The following MSRA variants were observed in gnomAD, a reference collection of about 807,000 sequenced individuals.
MSRA encodes methionine sulfoxide reductase A, also known as mitochondrial peptide methionine sulfoxide reductase.
MSRA carries 54 observed loss-of-function variants against 31.3 expected under a neutral mutation model. The observed-to-expected ratio is 1.73, with a 90% CI of 1.39 to 2.17. MSRA has a LOEUF of 2.17. Ranked by LOEUF, MSRA falls within the 30% of genes most tolerant of loss-of-function variation. MSRA has a pLI of 0.00. For synonymous variants in MSRA, 169 were observed against 116.5 expected, an observed-to-expected ratio of 1.45 and a Z score of -2.90; for missense variants, 507 against 300.9, an observed-to-expected ratio of 1.69 and a Z score of -5.07.
chr8:10,197,373 G>A (rs952518599), intron 1 of MSRA, among the ~76,000 whole-genome samples: 6 of 152,172 alleles, frequency 3.9e-5, no homozygotes, highest in Non-Finnish European at 8.8e-5. Flanking sequence ...TGCTTGTGTT[G>A]GGAACTCAGG....
intron 1 of MSRA, among the ~76,000 whole-genome samples, chr8:10,126,179 A>G (rs1456248106): frequency 2.6e-5 from 4 of 152,236 alleles, no homozygotes; most frequent in African/African-American, 9.6e-5. Context: ...GCCTGGTGAG[A>G]TGAGTTGTAT....
intron 2 of MSRA, among the ~76,000 whole-genome samples, chr8:10,210,271 G>A (rs1229303590): frequency 6.6e-6 from 1 of 152,212 alleles, no homozygotes; most frequent in Non-Finnish European, 1.5e-5. Flanking sequence ...GGCCAAGGAG[G>A]TGGTTGGTGG....
chr8:10,139,309 T>G (rs1311445464), intron 1 of MSRA, among the ~76,000 whole-genome samples: 1 of 152,238 alleles, frequency 6.6e-6, no homozygotes, highest in Non-Finnish European at 1.5e-5. Flanking sequence ...ATATTCTTAA[T>G]TTTAAATGAT....
chr8:10,361,632 C>T (rs1174440024), intron 5 of MSRA, among the ~76,000 whole-genome samples: 1 of 152,164 alleles, frequency 6.6e-6, no homozygotes, highest in Non-Finnish European at 1.5e-5. Context: ...TTGGAGGCCT[C>T]TTAAGATGCT....
chr8:10,259,616 G>T (rs1401704816), intron 3 of MSRA, among the ~76,000 whole-genome samples: 1 of 151,958 alleles, frequency 6.6e-6, no homozygotes, highest in Non-Finnish European at 1.5e-5. Context: ...CATTTTTCTG[G>T]ACATTTGGGA....
At chr8:10,288,660 G>A (rs1800066357) in intron 3 of MSRA, among the ~76,000 whole-genome samples, 1 of 152,024 alleles carries the variant, frequency 6.6e-6, no homozygotes, top group South Asian at 2.1e-4. Context: ...AAACAAATCT[G>A]AAGTTCTTAG....
intron 2 of MSRA, among the ~76,000 whole-genome samples, chr8:10,230,515 AGAAAATATG>A (rs1429265880): frequency 2.0e-5 from 3 of 152,244 alleles, no homozygotes; most frequent in Non-Finnish European, 4.4e-5. Context: ...TGCTCATTAC[AGAAAATATG>A]GAAAATATAT....
At chr8:10,249,279 C>G (rs1293905191) in intron 3 of MSRA, among the ~76,000 whole-genome samples, 1 of 152,100 alleles carries the variant, frequency 6.6e-6, no homozygotes, top group Non-Finnish European at 1.5e-5. Flanking sequence ...AATAAAATGC[C>G]TCTCTGAGAT....
intron 3 of MSRA, among the ~76,000 whole-genome samples, chr8:10,295,317 A>G (rs1005628854): frequency 3.3e-5 from 5 of 152,048 alleles, no homozygotes; most frequent in Admixed American, 2.6e-4. Context: ...GGACCGTCGC[A>G]CTGCGCTGCC....
At chr8:10,136,187 C>A (rs957270965) in intron 1 of MSRA, among the ~76,000 whole-genome samples, 1 of 152,100 alleles carries the variant, frequency 6.6e-6, no homozygotes, top group Non-Finnish European at 1.5e-5. Flanking sequence ...GCACAGGGAC[C>A]CCGGGCAGAG....
chr8:10,428,430 T>A lies in MSRA; in HGVS notation c.*118T>A. 1 of 1,132,450 alleles carries A rather than the reference T, an allele frequency of 8.8e-7. No individual in the cohort carries two copies. Among genetic ancestry groups the A allele is most frequent in the Non-Finnish European group, 1.3e-6 (1 of 793,300 alleles). 70.2% of individuals were successfully genotyped at this position (1,132,450 alleles called of 1,614,324 possible). On this transcript the variant is annotated 3_prime_UTR_variant, in exon 6 of 6. Transcript: ENST00000317173. ...AGTGCACAAAGTACAAAGGAATTTA[T>A]ACAGATTGGGTTTACCGAAGTATAA...
intron 5 of MSRA, among the ~76,000 whole-genome samples, chr8:10,369,942 C>T (rs1417830099): frequency 6.6e-6 from 1 of 152,172 alleles, no homozygotes; most frequent in Non-Finnish European, 1.5e-5. Context: ...CATAACTAAC[C>T]ACAAGTCAAG....
At chr8:10,065,460 T>C (rs1797410416) in intron 1 of MSRA, among the ~76,000 whole-genome samples, 1 of 152,234 alleles carries the variant, frequency 6.6e-6, no homozygotes, top group Admixed American at 6.5e-5. Flanking sequence ...AAGGCAAGAA[T>C]TATTTTCTGG....
At chr8:10,207,207 A>G (rs1809069735) in intron 1 of MSRA, among the ~76,000 whole-genome samples, 1 of 152,156 alleles carries the variant, frequency 6.6e-6, no homozygotes, top group Non-Finnish European at 1.5e-5. Flanking sequence ...AGTGTTTACT[A>G]GGGTGGGAAG....
At chr8:10,400,923 C>G (rs1807422203) in intron 5 of MSRA, among the ~76,000 whole-genome samples, 2 of 152,160 alleles carry the variant, frequency 1.3e-5, no homozygotes, top group South Asian at 2.1e-4. Flanking sequence ...ATAAATCCGT[C>G]TCAGGAAAAC....
intron 4 of MSRA, among the ~76,000 whole-genome samples, chr8:10,307,937 C>A (rs1196891770): frequency 6.6e-6 from 1 of 152,194 alleles, no homozygotes; most frequent in Admixed American, 6.5e-5. Context: ...CTATGGGGGC[C>A]TTAGTAGAAG....
At chr8:10,349,168 C>G (rs1157505014) in intron 5 of MSRA, among the ~76,000 whole-genome samples, 1 of 152,168 alleles carries the variant, frequency 6.6e-6, no homozygotes, top group Non-Finnish European at 1.5e-5. Flanking sequence ...AGACAGAATA[C>G]ATTTATTGTT....
chr8:10,089,957 A>C (rs551791718), intron 1 of MSRA, among the ~76,000 whole-genome samples: 9 of 152,154 alleles, frequency 5.9e-5, no homozygotes, highest in Admixed American at 2.0e-4. Flanking sequence ...ACCACCTCCC[A>C]ACACCATCAC....
At chr8:10,340,816 C>T (rs549664935) in intron 5 of MSRA, among the ~76,000 whole-genome samples, 2 of 152,382 alleles carry the variant, frequency 1.3e-5, no homozygotes, top group South Asian at 4.1e-4. Context: ...CCTGCAAAGG[C>T]ATCAGCAAAG....
Sources: allele counts gnomAD v4.1 joint callset (sites outside exome capture counted in the v4.1 genomes callset), GRCh38; gene constraint gnomAD v4.1.1; transcripts MANE v1.5; gene names NCBI Gene and HGNC (gene_info 2026-07-23, HGNC 2026-07-21).